Variants in OPCML observed in about 807,000 individuals in gnomAD.
OPCML encodes the protein opioid binding protein/cell adhesion molecule like.
OPCML carries 13 observed loss-of-function variants against 37.8 expected under a neutral mutation model. That is an observed-to-expected ratio of 0.34 (90% CI 0.22 to 0.55). The LOEUF is 0.55. Among genes scored for constraint, OPCML ranks in the 20% least tolerant of loss-of-function variants. The pLI, the probability that OPCML is intolerant of heterozygous loss-of-function variation, is 0.91. For missense variants in OPCML, 341 were observed against 435.6 expected (o/e 0.78, Z 1.93); for synonymous variants, 176 against 168.8 (o/e 1.04, Z -0.33).
chr11:133,249,904 C>T (rs575736062), intron 1 of OPCML, among the ~76,000 whole-genome samples: 143 of 152,290 alleles, frequency 9.4e-4, no homozygotes, highest in Admixed American at 1.6e-3. Context: ...TAGAAATGGA[C>T]GATGGGAGAA....
chr11:132,526,321 T>A (rs2096308284), intron 4 of OPCML, among the ~76,000 whole-genome samples: 1 of 152,138 alleles, frequency 6.6e-6, no homozygotes, highest in Non-Finnish European at 1.5e-5. Flanking sequence ...TAGTTTTGTA[T>A]ATAATATAAA....
At chr11:133,463,140 C>CAAAAA (rs1565648450) in intron 1 of OPCML, among the ~76,000 whole-genome samples, 12 of 109,936 alleles carry the variant, frequency 1.1e-4, no homozygotes, top group African/African-American at 2.1e-4. Context: ...AAAAAAAAAT[C>CAAAAA]AAAAAAACCT....
chr11:132,509,710 G>A (rs114580592), intron 4 of OPCML, among the ~76,000 whole-genome samples: 2 of 152,346 alleles, frequency 1.3e-5, no homozygotes, highest in African/African-American at 4.8e-5. Flanking sequence ...AAGAATTAAG[G>A]TTTGAGGACT....
At chr11:132,435,433 G>A (rs2096009760) in intron 7 of OPCML, among the ~76,000 whole-genome samples, 1 of 152,210 alleles carries the variant, frequency 6.6e-6, no homozygotes, top group Non-Finnish European at 1.5e-5. Flanking sequence ...ATCACAACAA[G>A]CTGGCCCTGG....
chr11:133,142,473 C>G (rs2137170041), intron 1 of OPCML, among the ~76,000 whole-genome samples: 1 of 152,322 alleles, frequency 6.6e-6, no homozygotes, highest in South Asian at 2.1e-4. Flanking sequence ...ATTTCTTTAA[C>G]TTCCCCTGAT....
chr11:133,216,301 G>A (rs1427304186), intron 1 of OPCML, among the ~76,000 whole-genome samples: 1 of 152,142 alleles, frequency 6.6e-6, no homozygotes, highest in African/African-American at 2.4e-5. Flanking sequence ...TTCCTCCTCT[G>A]AATCACCCAG....
chr11:133,289,594 C>CAAAAAAAAAAA (rs1229577687), intron 1 of OPCML, among the ~76,000 whole-genome samples: 4 of 52,292 alleles, frequency 7.6e-5, no homozygotes, highest in African/African-American at 3.0e-4. Flanking sequence ...GACTCCATCT[C>CAAAAAAAAAAA]AAAAAAAAAA....
At chr11:132,773,733 A>C (rs1946720677) in intron 2 of OPCML, among the ~76,000 whole-genome samples, 1 of 152,170 alleles carries the variant, frequency 6.6e-6, no homozygotes, top group African/African-American at 2.4e-5. Context: ...TCATGTGTTC[A>C]ATTCTCTTTC....
At chr11:133,012,291 G>A (rs1000651366) in intron 1 of OPCML, among the ~76,000 whole-genome samples, 1 of 152,132 alleles carries the variant, frequency 6.6e-6, no homozygotes, top group African/African-American at 2.4e-5. Flanking sequence ...GCGTAGACAA[G>A]GAAAACTATT....
At chr11:132,894,818 C>T (rs1380422791) in intron 2 of OPCML, among the ~76,000 whole-genome samples, 1 of 152,162 alleles carries the variant, frequency 6.6e-6, no homozygotes, top group Non-Finnish European at 1.5e-5. Context: ...ACCAGCAACC[C>T]CCACTCCTAC....
At chr11:132,713,349 C>T (rs2135955543) in intron 2 of OPCML, among the ~76,000 whole-genome samples, 1 of 152,208 alleles carries the variant, frequency 6.6e-6, no homozygotes, top group African/African-American at 2.4e-5. Context: ...CCAGGAAGGG[C>T]TTGGTAAGGA....
intron 1 of OPCML, among the ~76,000 whole-genome samples, chr11:133,289,129 T>C (rs1336532064): frequency 6.6e-6 from 1 of 152,222 alleles, no homozygotes. Context: ...TGCTTGTTTT[T>C]GTTGAAATGA....
chr11:133,398,621 AT>A (rs1945337134), intron 1 of OPCML, among the ~76,000 whole-genome samples: 1 of 151,088 alleles, frequency 6.6e-6, no homozygotes, highest in African/African-American at 2.4e-5. Flanking sequence ...AAAAAAAAAA[AT>A]CTAAAGAGAT....
intron 4 of OPCML, among the ~76,000 whole-genome samples, chr11:132,477,813 T>A (rs761100078): frequency 6.6e-6 from 1 of 152,222 alleles, no homozygotes; most frequent in South Asian, 2.1e-4. Context: ...GAGTATTACC[T>A]GTCTACTTAT....
intron 3 of OPCML, among the ~76,000 whole-genome samples, chr11:132,532,844 A>C (rs925543999): frequency 1.3e-5 from 2 of 152,124 alleles, no homozygotes; most frequent in African/African-American, 4.8e-5. Context: ...GAAGGTATTC[A>C]ATACTTTTAA....
chr11:133,434,522 C>T (rs1375784301), intron 1 of OPCML, among the ~76,000 whole-genome samples: 1 of 151,666 alleles, frequency 6.6e-6, no homozygotes, highest in Non-Finnish European at 1.5e-5. Flanking sequence ...TTTGTGAGGC[C>T]CAAATTTGAA....
intron 1 of OPCML, among the ~76,000 whole-genome samples, chr11:133,047,809 T>C (rs755931248): frequency 2.6e-5 from 4 of 151,856 alleles, no homozygotes; most frequent in Non-Finnish European, 4.4e-5. Flanking sequence ...GATAACAGAG[T>C]TGTTGAGGCT....
At chr11:133,352,862 A>C (rs1053713350) in intron 1 of OPCML, among the ~76,000 whole-genome samples, 3 of 152,174 alleles carry the variant, frequency 2.0e-5, no homozygotes, top group African/African-American at 7.2e-5. Context: ...GGTTCAAATC[A>C]AACTTCATGA....
intron 2 of OPCML, among the ~76,000 whole-genome samples, chr11:132,806,368 A>G (rs1350217268): frequency 3.3e-5 from 5 of 152,172 alleles, no homozygotes; most frequent in Non-Finnish European, 7.4e-5. Context: ...TCTACATAAG[A>G]CACACTTTAA....
Sources: allele counts gnomAD v4.1 joint callset (sites outside exome capture counted in the v4.1 genomes callset), GRCh38; gene constraint gnomAD v4.1.1; transcripts MANE v1.5; gene names NCBI Gene and HGNC (gene_info 2026-07-23, HGNC 2026-07-21).